The following ONECUT1 variants were observed in gnomAD, a reference collection of about 807,000 sequenced individuals.
The protein encoded by ONECUT1 is hepatocyte nuclear factor 6.
Under a neutral mutation model 25.6 loss-of-function variants are expected in ONECUT1, and 12 were observed. That is an observed-to-expected ratio of 0.47 (90% CI 0.30 to 0.76). The LOEUF (loss-of-function observed/expected upper bound fraction) is 0.76, where lower values mean the gene tolerates loss of function less well. Among genes scored for constraint, ONECUT1 ranks in the 30% least tolerant of loss-of-function variants. The pLI, the probability that ONECUT1 is intolerant of heterozygous loss-of-function variation, is 0.07. For synonymous variants in ONECUT1, 285 were observed against 270.2 expected (o/e 1.05, Z -0.54); for missense variants, 620 against 651.2 (o/e 0.95, Z 0.52).
intron 1 of ONECUT1, among the ~76,000 whole-genome samples, chr15:52,773,353 T>C (rs2083780191): frequency 6.6e-6 from 1 of 152,112 alleles, no homozygotes; most frequent in Non-Finnish European, 1.5e-5. Flanking sequence ...TGAGGATATA[T>C]TGCAATTGGA....
intron 1 of ONECUT1, chr15:52,787,069 G>A (rs2083880454): frequency 6.6e-6 from 1 of 152,598 alleles, no homozygotes; most frequent in Admixed American, 6.5e-5. Flanking sequence ...ACTCCCTCCG[G>A]AACCTCAGTT....
At chr15:52,769,269 G>A (rs926575330) in intron 1 of ONECUT1, among the ~76,000 whole-genome samples, 1 of 152,162 alleles carries the variant, frequency 6.6e-6, no homozygotes, top group Non-Finnish European at 1.5e-5. Context: ...CACACAGTCT[G>A]TAATACTAGA....
At chr15:52,777,992 A>G (rs1322945684) in intron 1 of ONECUT1, among the ~76,000 whole-genome samples, 1 of 152,222 alleles carries the variant, frequency 6.6e-6, no homozygotes, top group African/African-American at 2.4e-5. Flanking sequence ...AACCTGCTTA[A>G]ATGACAATAG....
intron 1 of ONECUT1, among the ~76,000 whole-genome samples, chr15:52,765,072 G>A (rs1005455285): frequency 6.6e-6 from 1 of 152,200 alleles, no homozygotes; most frequent in Admixed American, 6.5e-5. Context: ...AGGAGAGCTT[G>A]GGGCTTCAGG....
At chr15:52,780,690 G>T in intron 1 of ONECUT1, 1 of 1,518,850 alleles carries the variant, frequency 6.6e-7, no homozygotes, top group Admixed American at 2.1e-5. Flanking sequence ...CGAGCACAGA[G>T]GTCACTAGGT....
chr15:52,759,820 G>T (rs28658352), intron 1 of ONECUT1, among the ~76,000 whole-genome samples: 3,420 of 151,708 alleles, frequency 0.023, 131 homozygotes, highest in African/African-American at 0.079. Context: ...TGTTTCCTAG[G>T]CTGGTCTTGA....
In ONECUT1 at chr15:52,788,229, C is replaced by G. The variant is rs553276243; in HGVS notation, c.1105+551G>C. The G allele has an allele frequency of 6.4e-6, 1 of 155,540 alleles. No homozygotes were observed. The highest frequency in any genetic ancestry group is 2.0e-4 in the South Asian group (1 of 4,940). The allele number at this position is 155,540 out of a possible 1,614,324, so 9.6% of individuals were successfully genotyped here. On this transcript the variant is annotated intron_variant, in intron 1 of 1. Coordinates refer to ENST00000305901, the MANE Select transcript of ONECUT1 (RefSeq NM_004498.4). This position sits in a 1 kb window ranked among gnomAD's most constrained non-coding sequence, Gnocchi z 4.3. ...CGCCCAATGGCTCTGAAACTTTTTGCCCATACTCTTAGATTGAGGTCACCC... is the reference window on the plus strand; with the variant it reads ...CGCCCAATGGCTCTGAAACTTTTTGGCCATACTCTTAGATTGAGGTCACCC...
Position 52,757,786 on chromosome 15 carries a change from C to T in ONECUT1, c.1167G>A (p.Arg389=), listed in dbSNP as rs144952226. The change falls in exon 2 of 2, where the codon AGG becomes AGA. Residue 389 remains arginine, a synonymous_variant. Transcript: ENST00000305901. ...GACGCTGGACATCTGTGAAGACCAACCTGGGCTTTTTGGGTGTGTTGCCTC... is the reference window on the plus strand; with the variant it reads ...GACGCTGGACATCTGTGAAGACCAATCTGGGCTTTTTGGGTGTGTTGCCTC... ...KDRGNTPKKP[R]LVFTDVQRRT... is the part of the protein sequence containing the mutation. 59 of 1,614,192 alleles carry T rather than the reference C, an allele frequency of 3.7e-5. No homozygotes were observed. Among genetic ancestry groups the T allele is most frequent in the African/African-American group, 3.6e-4 (27 of 75,056 alleles).
At chr15:52,767,531 C>T (rs1287454717) in intron 1 of ONECUT1, among the ~76,000 whole-genome samples, 1 of 152,194 alleles carries the variant, frequency 6.6e-6, no homozygotes, top group Non-Finnish European at 1.5e-5. Context: ...AGTTTTTATA[C>T]TCACAGGAAG....
chr15:52,777,737 C>CACACACACACAAAAAAA (rs57187579), intron 1 of ONECUT1, among the ~76,000 whole-genome samples: 35 of 103,448 alleles, frequency 3.4e-4, no homozygotes, highest in African/African-American at 1.5e-3. Flanking sequence ...CACACACACA[C>CACACACACACAAAAAAA]AAAAAAACAT....
intron 1 of ONECUT1, among the ~76,000 whole-genome samples, chr15:52,769,336 T>C (rs1449196895): frequency 2.0e-5 from 3 of 152,222 alleles, no homozygotes; most frequent in Non-Finnish European, 4.4e-5. Context: ...AAGTTGGATG[T>C]GGCTCCATAG....
rs74784799 is a variant in ONECUT1, at chr15:52,776,162, C to T, written c.1105+12618G>A. On this transcript the variant is annotated intron_variant, in intron 1 of 1. Transcript: ENST00000305901. ...GTCTCTCTCAGTAAGTAACAGGTTC[C>T]GGTGAGGCAGAAACAATCTAACTGA... is the stretch of plus-strand genomic sequence containing the variant. Among the ~76,000 whole-genome samples, 24 of 152,312 alleles carry T rather than the reference C, an allele frequency of 1.6e-4. No homozygotes were observed. The East Asian group carries it at 4.2e-3, about 27-fold the overall frequency.
intron 1 of ONECUT1, chr15:52,787,146 G>C (rs879840578): frequency 6.6e-6 from 1 of 152,236 alleles, no homozygotes; most frequent in Non-Finnish European, 1.5e-5. Flanking sequence ...TGGAAAACCG[G>C]GGGCCAGCGA....
chr15:52,782,340 C>G (rs1181957306), intron 1 of ONECUT1, among the ~76,000 whole-genome samples: 1 of 152,174 alleles, frequency 6.6e-6, no homozygotes, highest in Non-Finnish European at 1.5e-5. Context: ...GGTCTAGTCA[C>G]CTAGCCCAAT....
chr15:52,780,500 T>A, intron 1 of ONECUT1: 1 of 1,276,320 alleles, frequency 7.8e-7, no homozygotes, highest in Non-Finnish European at 1.1e-6. Flanking sequence ...AAATATGTCT[T>A]TGTCTAGCAT....
intron 1 of ONECUT1, among the ~76,000 whole-genome samples, chr15:52,760,550 C>T (rs1596045127): frequency 6.6e-6 from 1 of 152,082 alleles, no homozygotes; most frequent in Non-Finnish European, 1.5e-5. Context: ...GAAGGAATTA[C>T]AGAGAAGGCA....
intron 1 of ONECUT1, among the ~76,000 whole-genome samples, chr15:52,763,805 A>C (rs2456500): frequency 0.76 from 115,016 of 152,068 alleles, 43,959 homozygotes; most frequent in East Asian, 1. Context: ...GAGGTCAGTA[A>C]AAAATATTGA....
At chr15:52,771,001 C>G (rs1164738457) in intron 1 of ONECUT1, among the ~76,000 whole-genome samples, 2 of 152,144 alleles carry the variant, frequency 1.3e-5, no homozygotes, top group East Asian at 3.9e-4. Context: ...AACAACTGTT[C>G]TGAAAGATGA....
chr15:52,777,819 C>A (rs182351656), intron 1 of ONECUT1, among the ~76,000 whole-genome samples: 1 of 151,970 alleles, frequency 6.6e-6, no homozygotes, highest in African/African-American at 2.4e-5. Flanking sequence ...ATTCCATTCC[C>A]GGTCCTGAGC....
Sources: gnomAD v4.1 joint callset for allele counts (sites outside exome capture counted in the v4.1 genomes callset) on GRCh38, gnomAD v4.1.1 for gene constraint, Gnocchi (gnomAD v3.1) non-coding constraint, MANE v1.5 for transcripts, NCBI Gene and HGNC (gene_info 2026-07-23, HGNC 2026-07-21) for gene names.